IVNS1ABP: variants seen among roughly 807,000 people sequenced by gnomAD.
IVNS1ABP encodes influenza virus NS1A binding protein, also known as influenza virus NS1A-binding protein.
A neutral mutation model predicts 78.9 loss-of-function variants in IVNS1ABP; 25 were observed. That is an observed-to-expected ratio of 0.32 (90% CI 0.23 to 0.44). The LOEUF (loss-of-function observed/expected upper bound fraction) is 0.44, where lower values mean the gene tolerates loss of function less well. Among genes scored for constraint, IVNS1ABP ranks in the 20% least tolerant of loss-of-function variants. The pLI is 1.00. For synonymous variants in IVNS1ABP, 241 were observed against 259.7 expected, an observed-to-expected ratio of 0.93 and a Z score of 0.69; for missense variants, 494 against 768.9, an observed-to-expected ratio of 0.64 and a Z score of 4.23.
chr1:185,313,516 T>C (rs909805012), intron 1 of IVNS1ABP, among the ~76,000 whole-genome samples: 1 of 152,212 alleles, frequency 6.6e-6, no homozygotes, highest in Non-Finnish European at 1.5e-5. Context: ...GATCAATTCC[T>C]GTCTGTAAAA....
At position 185,300,069 on chromosome 1, in the gene IVNS1ABP, T is replaced by C. The variant is rs1665530978; in HGVS notation, c.1431A>G (p.Lys477=). ...CAAATACATCACAATTTTTCAGTCC[T>C]TTTTGACCATATGGATCAGAGCCAC... ...IVGGSDPYGQ[K]GLKNCDVFDP... is the part of the protein sequence containing the mutation. The change falls in exon 13 of 15, where the codon AAA becomes AAG. Residue 477 remains lysine, a synonymous_variant. Coordinates refer to ENST00000367498, the MANE Select transcript of IVNS1ABP (RefSeq NM_006469.5). 1 of 1,613,470 alleles carries C rather than the reference T, an allele frequency of 6.2e-7. No individual in the cohort carries two copies. Among genetic ancestry groups the C allele is most frequent in the Middle Eastern group, 1.7e-4 (1 of 6,056 alleles).
chr1:185,299,736 C>T lies in IVNS1ABP; in HGVS notation c.1649G>A (p.Arg550Gln). Reference protein sequence around the residue: ...TLIAPMNVARRGAGVAVLNGK... With the variant: ...TLIAPMNVARQGAGVAVLNGK... ...ATTAAGAACAGCCACTCCAGCTCCT[C>T]GCCTAGCCACATTCATGGGTGCAAT... The change falls in exon 14 of 15, where the codon CGA (arginine) becomes CAA (glutamine). Residue 550 changes from arginine (R) to glutamine (Q), a missense_variant. Physicochemically the swap from Arg to Gln is conservative, Grantham distance 43. Coordinates refer to ENST00000367498, the MANE Select transcript of IVNS1ABP (RefSeq NM_006469.5). 1.2e-6 allele frequency: 2 copies of T among 1,613,694 alleles called. No individual in the cohort carries two copies. The highest frequency in any genetic ancestry group is 1.7e-6 in the Non-Finnish European group (2 of 1,179,764).
intron 10 of IVNS1ABP, 26 bp from the exon 11 acceptor site, chr1:185,300,584 T>G (rs1420442120): frequency 6.2e-7 from 1 of 1,607,974 alleles, no homozygotes; most frequent in Non-Finnish European, 8.5e-7. Flanking sequence ...ACCATAAAGA[T>G]TTATGTTTAA....
chr1:185,306,871 C>A (rs966797947), intron 7 of IVNS1ABP, 143 bp downstream of exon 7: 12 of 880,142 alleles, frequency 1.4e-5, no homozygotes, highest in Non-Finnish European at 1.9e-5. Context: ...GGACACCCCC[C>A]CTGTTTCTCA....
rs1260381111 is a variant in IVNS1ABP at position 185,305,125 on chromosome 1, A to G, written c.765+411T>C. Among the ~76,000 whole-genome samples the G allele has an allele frequency of 2.0e-5, 3 of 152,164 alleles. No homozygotes were observed. Among genetic ancestry groups the G allele is most frequent in the Non-Finnish European group, 4.4e-5 (3 of 68,022 alleles). On this transcript the variant is annotated intron_variant, in intron 8 of 14. Transcript: ENST00000367498. The surrounding 1 kb of genome is among the most constrained non-coding windows in gnomAD (Gnocchi z 4.0). The stretch of plus-strand genomic sequence containing the variant: ...AACTATACCATTTCTAATTTCCAGT[A>G]AGACAGCTCAGTAGTTAAGGTAACA...
chr1:185,307,477 T>C lies in IVNS1ABP; in HGVS notation c.531+12A>G. ...AGATAGTATATATCTGTTTATAGAC[T>C]TTACTCCTTACCTTTAGCCTTGGAA... On this transcript the variant is annotated intron_variant, in intron 6 of 14. Coordinates refer to ENST00000367498, the MANE Select transcript of IVNS1ABP (RefSeq NM_006469.5). 1.2e-6 allele frequency: 2 copies of C among 1,605,538 alleles called. No individual in the cohort carries two copies. Among genetic ancestry groups the C allele is most frequent in the Non-Finnish European group, 1.7e-6 (2 of 1,174,572 alleles).
In IVNS1ABP at chr1:185,300,504, G is replaced by A; in HGVS notation, c.1175C>T (p.Thr392Ile). ...GGGAGCAAGAAAGGACCAGTGATCT[G>A]TATGTGGATTATAGCATTCGACTGT... is the stretch of plus-strand genomic sequence containing the variant. ...LRTVECYNPH[T>I]DHWSFLAPMR... Residue 392 changes from threonine to isoleucine, a missense_variant, in exon 11 of 15, where the codon ACA (threonine) becomes ATA (isoleucine). Transcript: ENST00000367498. The A allele has an allele frequency of 6.2e-7, 1 of 1,613,550 alleles. No individual in the cohort carries two copies. Among genetic ancestry groups the A allele is most frequent in the Non-Finnish European group, 8.5e-7 (1 of 1,179,582 alleles).
chr1:185,316,602 A>C (rs1457437060), intron 1 of IVNS1ABP, among the ~76,000 whole-genome samples: 1 of 152,092 alleles, frequency 6.6e-6, no homozygotes, highest in African/African-American at 2.4e-5. Context: ...CGGCGCCCTA[A>C]CCCAGGCCCC....
chr1:185,313,882 C>T (rs571038365), intron 1 of IVNS1ABP, among the ~76,000 whole-genome samples: 29 of 152,074 alleles, frequency 1.9e-4, no homozygotes, highest in Admixed American at 6.6e-4. Flanking sequence ...CAAGGGATAC[C>T]GAAGACTCAT....
chr1:185,304,734 G>A (rs1571743298), intron 8 of IVNS1ABP, among the ~76,000 whole-genome samples: 1 of 152,104 alleles, frequency 6.6e-6, no homozygotes, highest in Non-Finnish European at 1.5e-5. Flanking sequence ...TACGGAAACG[G>A]TTGGGAAGAG....
intron 7 of IVNS1ABP, chr1:185,306,112 C>G (rs767068684): frequency 2.6e-4 from 45 of 170,452 alleles, no homozygotes; most frequent in Admixed American, 1.4e-3. Flanking sequence ...AAAATTCAAG[C>G]AAGCTGTAGA....
chr1:185,308,006 G>A, intron 5 of IVNS1ABP: 1 of 1,549,834 alleles, frequency 6.5e-7, no homozygotes, highest in Non-Finnish European at 8.7e-7. Context: ...GCAGACAGAA[G>A]TAGAGAAGAT....
rs1665427504 is a variant in IVNS1ABP at position 185,296,690 on chromosome 1, T to TAGTC, written c.*1341_*1344dup. The stretch of plus-strand genomic sequence containing the variant: ...TAGCCACTGAATAGTCATCTCAGAA[T>TAGTC]AGTCACCTCATCCCAGTTGGCCCAT... On this transcript the variant is annotated 3_prime_UTR_variant, in exon 15 of 15. Transcript: ENST00000367498. 1 of 152,136 alleles carries TAGTC rather than the reference T, an allele frequency of 6.6e-6. No individual in the cohort carries two copies. Among genetic ancestry groups the TAGTC allele is most frequent in the Non-Finnish European group, 1.5e-5 (1 of 68,016 alleles). 9.4% of individuals were successfully genotyped at this position (152,136 alleles called of 1,614,324 possible).
intron 7 of IVNS1ABP, chr1:185,306,563 T>C: frequency 3.1e-6 from 4 of 1,282,810 alleles, no homozygotes; most frequent in Non-Finnish European, 4.1e-6. Context: ...TCTTTACGTG[T>C]CAATACACTT....
intron 8 of IVNS1ABP, among the ~76,000 whole-genome samples, chr1:185,304,531 G>C (rs80091182): frequency 0.026 from 4,006 of 152,192 alleles, 194 homozygotes; most frequent in African/African-American, 0.09. Context: ...CTTACCCTCT[G>C]ATTTTTAAAG....
At chr1:185,303,735 A>G (rs928300391) in intron 8 of IVNS1ABP, among the ~76,000 whole-genome samples, 5 of 152,098 alleles carry the variant, frequency 3.3e-5, no homozygotes, top group African/African-American at 9.7e-5. Context: ...AATAGTCTAT[A>G]AACTGGGCTC....
chr1:185,299,420 A>G (rs1665507416), intron 14 of IVNS1ABP: 1 of 386,010 alleles, frequency 2.6e-6, no homozygotes, highest in African/African-American at 2.0e-5. Flanking sequence ...GAAACTCAAA[A>G]TTCAAGATGA....
rs758157552 is a variant in IVNS1ABP, at chr1:185,299,869, C to T, written c.1516G>A (p.Ala506Thr). Residue 506 changes from alanine (A) to threonine (T), a missense_variant, in exon 14 of 15, where the codon GCA becomes ACA. Coordinates refer to ENST00000367498, the MANE Select transcript of IVNS1ABP (RefSeq NM_006469.5). The part of the protein sequence containing the change: ...APLNIRRHQS[A>T]VCELGGYLYI... ...AAATAACCACCAAGCTCACAGACTG[C>T]AGACTGGTGTCTCCCTACAAGAAAA... 6 of 1,613,596 alleles carry T rather than the reference C, an allele frequency of 3.7e-6. No individual in the cohort carries two copies. Among genetic ancestry groups the T allele is most frequent in the African/African-American group, 1.3e-5 (1 of 74,964 alleles).
At chr1:185,299,673 C>G in intron 14 of IVNS1ABP, 37 bp downstream of exon 14, 1 of 1,601,638 alleles carries the variant, frequency 6.2e-7, no homozygotes, top group South Asian at 1.1e-5. Context: ...AGTCTTGCCA[C>G]TATCTACTCT....
Sources: gnomAD v4.1 joint callset for allele counts (sites outside exome capture counted in the v4.1 genomes callset) on GRCh38, gnomAD v4.1.1 for gene constraint, Gnocchi (gnomAD v3.1) non-coding constraint, MANE v1.5 for transcripts, NCBI Gene and HGNC (gene_info 2026-07-23, HGNC 2026-07-21) for gene names.